The following HDAC4 variants were observed in gnomAD, a reference collection of about 807,000 sequenced individuals.
The protein encoded by HDAC4 is histone deacetylase 4.
Under a neutral mutation model 135.1 loss-of-function variants are expected in HDAC4, and 16 were observed. That is an observed-to-expected ratio of 0.12 (90% CI 0.08 to 0.18). The LOEUF is 0.18. Among genes scored for constraint, HDAC4 ranks in the 10% least tolerant of loss-of-function variants. HDAC4 has a pLI of 1.00. For synonymous variants in HDAC4, 685 were observed against 653.4 expected (o/e 1.05, Z -0.74); for missense variants, 1,143 against 1,511.8 (o/e 0.76, Z 4.05).
chr2:239,142,424 A>G (rs1404539363), intron 8 of HDAC4, among the ~76,000 whole-genome samples: 1 of 152,194 alleles, frequency 6.6e-6, no homozygotes, highest in Non-Finnish European at 1.5e-5. Flanking sequence ...GCTCCCTGGT[A>G]CCAGTGCCGG....
Position 239,299,540 on chromosome 2 carries a change from C to A in HDAC4, c.22+53138G>T, listed in dbSNP as rs1201655010. Among the ~76,000 whole-genome samples, 1 of 152,130 alleles carries A rather than the reference C, an allele frequency of 6.6e-6. No individual in the cohort carries two copies. Among genetic ancestry groups the A allele is most frequent in the Non-Finnish European group, 1.5e-5 (1 of 68,026 alleles). ...TTATTACAGCTGTACAACTGTACAA[C>A]GGGAGGGCAGCGACACGTGCTTATT... On this transcript the variant is annotated intron_variant, in intron 2 of 26. Coordinates refer to ENST00000543185, the MANE Select transcript of HDAC4 (RefSeq NM_001378414.1). This position sits in a 1 kb window ranked among gnomAD's most constrained non-coding sequence, Gnocchi z 4.0.
chr2:239,148,793 C>T (rs993130810), intron 7 of HDAC4, among the ~76,000 whole-genome samples: 38 of 152,204 alleles, frequency 2.5e-4, no homozygotes, highest in African/African-American at 7.5e-4. Context: ...GAGAGCAGAC[C>T]GTTCACACGC....
rs1341927425 is a variant in HDAC4, at chr2:239,245,703, T to C, written c.23-9039A>G. ...CGCTCTATGCACTGGTCTCTTTCCT[T>C]TCATATATCTTTGAAACTTTTCATA... On this transcript the variant is annotated intron_variant, in intron 2 of 26. Coordinates refer to ENST00000543185, the MANE Select transcript of HDAC4 (RefSeq NM_001378414.1). This position sits in a 1 kb window ranked among gnomAD's most constrained non-coding sequence, Gnocchi z 4.4. 6.6e-6 allele frequency among the ~76,000 whole-genome samples: 1 copy of C among 152,142 alleles called. No individual in the cohort carries two copies. The highest frequency in any genetic ancestry group is 1.5e-5 in the Non-Finnish European group (1 of 68,032).
chr2:239,276,758 C>CCAGCAGAG (rs2050393088), intron 2 of HDAC4, among the ~76,000 whole-genome samples: 1 of 152,212 alleles, frequency 6.6e-6, no homozygotes, highest in African/African-American at 2.4e-5. Flanking sequence ...GCTGCAGAGG[C>CCAGCAGAG]CAGCAGAGCA....
chr2:239,370,633 C>T (rs1262514467), intron 1 of HDAC4, among the ~76,000 whole-genome samples: 1 of 152,204 alleles, frequency 6.6e-6, no homozygotes, highest in Non-Finnish European at 1.5e-5. Flanking sequence ...CAGAGCTGAT[C>T]CTGCACAGCG....
chr2:239,252,351 C>T (rs746634993), intron 2 of HDAC4, among the ~76,000 whole-genome samples: 5 of 152,198 alleles, frequency 3.3e-5, no homozygotes, highest in Non-Finnish European at 7.3e-5. Context: ...CACCCACAAA[C>T]GTACTCACAA....
intron 2 of HDAC4, among the ~76,000 whole-genome samples, chr2:239,276,626 T>C (rs892073779): frequency 6.6e-6 from 1 of 152,024 alleles, no homozygotes; most frequent in African/African-American, 2.4e-5. Context: ...TTCCTGGACA[T>C]TGCCTGCTGC....
intron 15 of HDAC4, among the ~76,000 whole-genome samples, chr2:239,104,773 A>G (rs959973432): frequency 2.0e-5 from 3 of 152,266 alleles, no homozygotes; most frequent in Admixed American, 6.5e-5. Flanking sequence ...GACCCACTGG[A>G]TAAGAGACTG....
At chr2:239,117,078 T>A (rs1250564535) in intron 12 of HDAC4, among the ~76,000 whole-genome samples, 1 of 152,148 alleles carries the variant, frequency 6.6e-6, no homozygotes, top group African/African-American at 2.4e-5. Flanking sequence ...ACTAAAAGGA[T>A]GGGGCAAATG....
intron 7 of HDAC4, among the ~76,000 whole-genome samples, chr2:239,148,653 T>C (rs1195141284): frequency 3.9e-5 from 6 of 152,116 alleles, no homozygotes; most frequent in Admixed American, 3.3e-4. Flanking sequence ...TACCAGCAAA[T>C]GAGGACTCCA....
At chr2:239,214,126 C>T (rs552990742) in intron 3 of HDAC4, among the ~76,000 whole-genome samples, 3 of 152,212 alleles carry the variant, frequency 2.0e-5, no homozygotes, top group Non-Finnish European at 2.9e-5. Flanking sequence ...AGGCCAGAGT[C>T]TGACATGGGG....
intron 22 of HDAC4, among the ~76,000 whole-genome samples, chr2:239,077,506 G>A (rs1009452524): frequency 3.3e-5 from 5 of 152,272 alleles, no homozygotes; most frequent in East Asian, 1.9e-4. Flanking sequence ...ACAGGCGAGC[G>A]AAGGCTGGCG....
chr2:239,148,171 C>A lies in HDAC4; in HGVS notation c.734-3457G>T, dbSNP rs146170946. ...GCAGAACTGCAGAGAGAAGGAGGCA[C>A]CTGCTTCCAGCTGCTCTGCCCTGAA... On this transcript the variant is annotated intron_variant, in intron 7 of 26. Transcript: ENST00000543185. Among the ~76,000 whole-genome samples, 352 of 152,274 alleles carry A rather than the reference C, an allele frequency of 2.3e-3. 1 individual carries two copies. The highest frequency in any genetic ancestry group is 3.7e-3 in the Non-Finnish European group (253 of 68,006).
chr2:239,227,377 T>G (rs988280426), intron 3 of HDAC4, among the ~76,000 whole-genome samples: 11 of 152,118 alleles, frequency 7.2e-5, no homozygotes, highest in African/African-American at 2.7e-4. Flanking sequence ...CAGGCAGCAT[T>G]GGGCCCTCCC....
In HDAC4 at chr2:239,396,458, T is replaced by G. The variant is rs375560227; in HGVS notation, c.-220+4520A>C. Among the ~76,000 whole-genome samples, 4 of 152,262 alleles carry G rather than the reference T, an allele frequency of 2.6e-5. No individual in the cohort carries two copies. In the East Asian group the frequency reaches 7.7e-4, roughly 29 times the overall value. On this transcript the variant is annotated intron_variant, in intron 1 of 26. Transcript: ENST00000543185. Reference sequence around the variant, plus strand: ...AATTATTATTATGACCAGCAACAGGTATCATCAAACTCGCCAATATGATAG... The same window carrying G: ...AATTATTATTATGACCAGCAACAGGGATCATCAAACTCGCCAATATGATAG...
chr2:239,300,699 G>A (rs1265373618), intron 2 of HDAC4, among the ~76,000 whole-genome samples: 5 of 152,216 alleles, frequency 3.3e-5, no homozygotes, highest in Admixed American at 2.6e-4. Context: ...GCACACCTTT[G>A]TTTCCCGGAG....
At chr2:239,205,434 C>A (rs557923799) in intron 3 of HDAC4, among the ~76,000 whole-genome samples, 1 of 152,238 alleles carries the variant, frequency 6.6e-6, no homozygotes, top group Non-Finnish European at 1.5e-5. Flanking sequence ...TAAGAGAAAG[C>A]CACTGTCAAG....
intron 4 of HDAC4, chr2:239,186,536 T>G (rs561740903): frequency 1.3e-5 from 2 of 152,374 alleles, no homozygotes; most frequent in Non-Finnish European, 2.9e-5. Context: ...AACTTCTTTC[T>G]GTGCTTTTGA....
intron 1 of HDAC4, among the ~76,000 whole-genome samples, chr2:239,373,422 CTCTCCAG>C (rs1273031412): frequency 6.6e-6 from 1 of 152,180 alleles, no homozygotes; most frequent in African/African-American, 2.4e-5. Context: ...GTTGGTCTTT[CTCTCCAG>C]TTTGGAAGAG....
Sources: gnomAD v4.1 joint callset for allele counts (sites outside exome capture counted in the v4.1 genomes callset) on GRCh38, gnomAD v4.1.1 for gene constraint, Gnocchi (gnomAD v3.1) non-coding constraint, MANE v1.5 for transcripts, NCBI Gene and HGNC (gene_info 2026-07-23, HGNC 2026-07-21) for gene names.